The following ZDHHC20 variants were observed in gnomAD, a reference collection of about 807,000 sequenced individuals.
ZDHHC20 encodes the protein zDHHC palmitoyltransferase 20.
Under a neutral mutation model 57.8 loss-of-function variants are expected in ZDHHC20, and 43 were observed. That is an observed-to-expected ratio of 0.74 (90% CI 0.58 to 0.96). ZDHHC20 has a LOEUF of 0.96. ZDHHC20 is among the 40% of genes least tolerant of loss of function. ZDHHC20 has a pLI of 0.00. For missense variants in ZDHHC20, 391 were observed against 441.1 expected, an observed-to-expected ratio of 0.89 and a Z score of 1.02; for synonymous variants, 157 against 153.0, an observed-to-expected ratio of 1.03 and a Z score of -0.19.
At chr13:21,440,538 G>T (rs1043098822) in intron 1 of ZDHHC20, among the ~76,000 whole-genome samples, 1 of 152,090 alleles carries the variant, frequency 6.6e-6, no homozygotes, top group Non-Finnish European at 1.5e-5. Flanking sequence ...TTCAATCCGG[G>T]AGGCTGAGGT....
chr13:21,375,367 C>G lies in ZDHHC20; in HGVS notation c.*1329G>C, dbSNP rs550731322. ...GGGGGGGGTGTGTGTGTGTGTGTGT[C>G]TGTCTGTCTAAAAGGTGTAAATGAG... On this transcript the variant is annotated 3_prime_UTR_variant, in exon 13 of 13. Coordinates refer to ENST00000400590, the MANE Select transcript of ZDHHC20 (RefSeq NM_001330059.2). 6.6e-4 allele frequency: 218 copies of G among 331,592 alleles called. No homozygotes were observed. The highest frequency in any genetic ancestry group is 1.5e-3 in the South Asian group (66 of 43,150). 20.5% of individuals were successfully genotyped at this position (331,592 alleles called of 1,614,324 possible).
At chr13:21,414,650 C>G (rs979658028) in intron 3 of ZDHHC20, among the ~76,000 whole-genome samples, 1 of 151,118 alleles carries the variant, frequency 6.6e-6, no homozygotes, top group Admixed American at 6.6e-5. Flanking sequence ...GGATTACAGG[C>G]GTGAGCCACC....
At chr13:21,437,644 G>C (rs1197866475) in intron 1 of ZDHHC20, among the ~76,000 whole-genome samples, 1 of 152,006 alleles carries the variant, frequency 6.6e-6, no homozygotes, top group South Asian at 2.1e-4. Context: ...TCTAGAAATG[G>C]AACAACAAAA....
chr13:21,415,082 C>T (rs1175658049), intron 3 of ZDHHC20, among the ~76,000 whole-genome samples: 1 of 152,120 alleles, frequency 6.6e-6, no homozygotes, highest in Non-Finnish European at 1.5e-5. Context: ...CCTCTTGCTG[C>T]CCCATCATTG....
chr13:21,411,160 C>T (rs888312969), intron 4 of ZDHHC20, among the ~76,000 whole-genome samples: 37 of 152,184 alleles, frequency 2.4e-4, no homozygotes, highest in African/African-American at 8.7e-4. Flanking sequence ...GACGCCCTAC[C>T]CTGCTTCTGC....
chr13:21,427,856 C>A (rs1359535866), intron 1 of ZDHHC20, among the ~76,000 whole-genome samples: 118 of 117,388 alleles, frequency 1.0e-3, no homozygotes, highest in Admixed American at 5.4e-3. Context: ...AAAAAAAAAA[C>A]CAAACCAACA....
intron 3 of ZDHHC20, among the ~76,000 whole-genome samples, chr13:21,418,710 G>A (rs1012087101): frequency 2.0e-5 from 3 of 152,152 alleles, no homozygotes; most frequent in Admixed American, 6.5e-5. Context: ...GTCTCACTCT[G>A]CTGCCTGGGC....
chr13:21,440,896 A>AG (rs1555264738), intron 1 of ZDHHC20, among the ~76,000 whole-genome samples: 2 of 152,042 alleles, frequency 1.3e-5, no homozygotes, highest in African/African-American at 2.4e-5. Context: ...TTAAAAAAAA[A>AG]AGAGAGAGAG....
chr13:21,445,785 A>G (rs1171105882), intron 1 of ZDHHC20, among the ~76,000 whole-genome samples: 2 of 152,210 alleles, frequency 1.3e-5, no homozygotes, highest in Admixed American at 6.5e-5. Flanking sequence ...AGAAACAAAA[A>G]TAACTGTATG....
intron 12 of ZDHHC20, 109 bp from the exon 13 acceptor site, chr13:21,376,764 G>A: frequency 8.1e-6 from 5 of 620,726 alleles, no homozygotes; most frequent in Non-Finnish European, 1.3e-5. Flanking sequence ...ATAACAAGAT[G>A]GAAAATGAAT....
At chr13:21,445,656 A>G (rs1883616501) in intron 1 of ZDHHC20, among the ~76,000 whole-genome samples, 1 of 152,216 alleles carries the variant, frequency 6.6e-6, no homozygotes, top group African/African-American at 2.4e-5. Context: ...CTCTTCTACT[A>G]GCATGCGAAT....
chr13:21,413,601 T>C (rs1879523564), intron 4 of ZDHHC20, 51 bp downstream of exon 4: 20 of 1,527,450 alleles, frequency 1.3e-5, no homozygotes, highest in Non-Finnish European at 1.7e-5. Context: ...CTGGCAGGAA[T>C]AAGCATACTT....
At chr13:21,404,232 T>C in intron 4 of ZDHHC20, 1 of 451,834 alleles carries the variant, frequency 2.2e-6, no homozygotes, top group Non-Finnish European at 4.4e-6. Flanking sequence ...CACTTGGAAA[T>C]AACCAATCTT....
At chr13:21,458,948 C>A in intron 1 of ZDHHC20, 106 bp downstream of exon 1, 1 of 800,908 alleles carries the variant, frequency 1.2e-6, no homozygotes, top group Non-Finnish European at 1.8e-6. Context: ...GGACGCCCGG[C>A]GTCCGGCGCT....
Position 21,376,493 on chromosome 13 carries a change from C to G in ZDHHC20, c.*203G>C. 1 of 418,466 alleles carries G rather than the reference C, an allele frequency of 2.4e-6. No homozygotes were observed. Among genetic ancestry groups the G allele is most frequent in the Non-Finnish European group, 4.3e-6 (1 of 233,116 alleles). 25.9% of individuals were successfully genotyped at this position (418,466 alleles called of 1,614,324 possible). On this transcript the variant is annotated 3_prime_UTR_variant, in exon 13 of 13. Coordinates refer to ENST00000400590, the MANE Select transcript of ZDHHC20 (RefSeq NM_001330059.2). ...CACAAATGGACACTTAAGATTAAGG[C>G]ATCATTCTGCTCTGGAGTAGTGCTT...
intron 9 of ZDHHC20, among the ~76,000 whole-genome samples, chr13:21,385,214 A>G (rs1874243476): frequency 6.6e-6 from 1 of 152,120 alleles, no homozygotes; most frequent in South Asian, 2.1e-4. Flanking sequence ...GGATTGCTTG[A>G]GGCCAGGAGT....
At chr13:21,378,275 G>C (rs1316438394) in intron 12 of ZDHHC20, among the ~76,000 whole-genome samples, 3 of 152,160 alleles carry the variant, frequency 2.0e-5, no homozygotes, top group Admixed American at 6.5e-5. Context: ...ACCCAGGCTG[G>C]TCTCTCACTC....
In ZDHHC20 at chr13:21,383,015, T is replaced by C; in HGVS notation, c.855-6A>G. On this transcript the variant is annotated splice_polypyrimidine_tract_variant and splice_region_variant and intron_variant, in intron 9 of 12. Coordinates refer to ENST00000400590, the MANE Select transcript of ZDHHC20 (RefSeq NM_001330059.2). ...AACTGCAACCATCACCCAAGCTGCA[T>C]AATGAAAAAGAGTAATAATTTAAAT... 1 of 1,553,434 alleles carries C rather than the reference T, an allele frequency of 6.4e-7. No individual in the cohort carries two copies. The highest frequency in any genetic ancestry group is 8.7e-7 in the Non-Finnish European group (1 of 1,147,366).
chr13:21,445,806 A>G (rs972649290), intron 1 of ZDHHC20, among the ~76,000 whole-genome samples: 3 of 152,208 alleles, frequency 2.0e-5, no homozygotes, highest in Non-Finnish European at 4.4e-5. Flanking sequence ...TCAAGTAATA[A>G]TAGGCGCTAT....
Sources: gnomAD v4.1 joint callset for allele counts (sites outside exome capture counted in the v4.1 genomes callset) on GRCh38, gnomAD v4.1.1 for gene constraint, MANE v1.5 for transcripts, NCBI Gene and HGNC (gene_info 2026-07-23, HGNC 2026-07-21) for gene names.